SLC35F3: variants seen among roughly 807,000 people sequenced by gnomAD.
The protein encoded by SLC35F3 is putative thiamine transporter SLC35F3.
Under a neutral mutation model 49.9 loss-of-function variants are expected in SLC35F3, and 25 were observed. That is an observed-to-expected ratio of 0.50 (90% confidence interval 0.37 to 0.70). SLC35F3 has a LOEUF of 0.70. Among genes scored for constraint, SLC35F3 ranks in the 30% least tolerant of loss-of-function variants. SLC35F3 has a pLI of 0.00. For missense variants in SLC35F3, 525 were observed against 639.8 expected (o/e 0.82, Z 1.94); for synonymous variants, 275 against 265.4 (o/e 1.04, Z -0.35).
chr1:233,919,389 G>C (rs1314178534), intron 2 of SLC35F3, among the ~76,000 whole-genome samples: 2 of 152,176 alleles, frequency 1.3e-5, no homozygotes, highest in Non-Finnish European at 2.9e-5. Context: ...CTGTCCCTCA[G>C]ATATGCTCAT....
rs1664875177 is a variant in SLC35F3 at position 234,081,518 on chromosome 1, T to TCACTGTGGATGGGGTGA, written c.284-149898_284-149882dup. On this transcript the variant is annotated intron_variant, in intron 2 of 7. Transcript: ENST00000366618. The stretch of plus-strand genomic sequence containing the variant: ...AGGGGATTGAGTGGGCAGCAGTGGG[T>TCACTGTGGATGGGGTGA]CACTGTGGATGGGGTGAATATCCTT... Among the ~76,000 whole-genome samples, 5 of 152,214 alleles carry TCACTGTGGATGGGGTGA rather than the reference T, an allele frequency of 3.3e-5. No homozygotes were observed. The South Asian group carries it at 1.0e-3, about 32-fold the overall frequency.
At chr1:234,060,930 G>A (rs555593653) in intron 2 of SLC35F3, among the ~76,000 whole-genome samples, 63 of 152,242 alleles carry the variant, frequency 4.1e-4, no homozygotes, top group Non-Finnish European at 7.2e-4. Context: ...GTCTTATAGG[G>A]CACAGCATAC....
chr1:234,070,204 C>G (rs1664692374), intron 2 of SLC35F3, among the ~76,000 whole-genome samples: 1 of 152,198 alleles, frequency 6.6e-6, no homozygotes, highest in Non-Finnish European at 1.5e-5. Context: ...AAGATGAGAT[C>G]TCATGCATTC....
Position 234,217,672 on chromosome 1 carries a change from A to G in SLC35F3, c.284-13745A>G, listed in dbSNP as rs569848982. Among the ~76,000 whole-genome samples, 3 of 151,948 alleles carry G rather than the reference A, an allele frequency of 2.0e-5. No individual in the cohort carries two copies. In the East Asian group the frequency reaches 5.8e-4, roughly 29 times the overall value. On this transcript the variant is annotated intron_variant, in intron 2 of 7. Transcript: ENST00000366618. ...TTTCTGAGGAGAAGATATTCCTAAG[A>G]AGAGGAGGCTTTTCTGAGAAGGAGG...
At chr1:234,310,372 C>A (rs1172532100) in intron 4 of SLC35F3, among the ~76,000 whole-genome samples, 2 of 152,210 alleles carry the variant, frequency 1.3e-5, no homozygotes, top group East Asian at 3.8e-4. Context: ...ATGGTGCATT[C>A]ACACCCACCT....
intron 2 of SLC35F3, among the ~76,000 whole-genome samples, chr1:234,028,601 T>G (rs1008927209): frequency 6.6e-6 from 1 of 152,212 alleles, no homozygotes; most frequent in African/African-American, 2.4e-5. Flanking sequence ...AACTGGGATT[T>G]TGTTTTAAGA....
chr1:234,000,178 G>C (rs1663529363), intron 2 of SLC35F3, among the ~76,000 whole-genome samples: 1 of 152,148 alleles, frequency 6.6e-6, no homozygotes, highest in South Asian at 2.1e-4. Context: ...TATACGCAAA[G>C]AGTAGAAAAC....
intron 2 of SLC35F3, among the ~76,000 whole-genome samples, chr1:234,025,628 G>A (rs1298549741): frequency 6.6e-6 from 1 of 152,150 alleles, no homozygotes; most frequent in African/African-American, 2.4e-5. Context: ...CTTTTGGGAA[G>A]TGTCTGTTCA....
chr1:234,055,792 A>G (rs986614956), intron 2 of SLC35F3, among the ~76,000 whole-genome samples: 3 of 152,080 alleles, frequency 2.0e-5, no homozygotes, highest in Non-Finnish European at 2.9e-5. Flanking sequence ...AACCCTCTGT[A>G]TTTTGTTTTT....
intron 2 of SLC35F3, among the ~76,000 whole-genome samples, chr1:234,157,367 CT>C (rs1666170083): frequency 6.6e-6 from 1 of 152,306 alleles, no homozygotes; most frequent in African/African-American, 2.4e-5. Context: ...CGCTGCTGCG[CT>C]GCTCAGAACC....
chr1:233,994,503 T>A lies in SLC35F3; in HGVS notation c.283+88745T>A, dbSNP rs1558199818. Among the ~76,000 whole-genome samples the A allele has an allele frequency of 2.0e-5, 3 of 152,308 alleles. No individual in the cohort carries two copies. In the South Asian group the frequency reaches 6.2e-4, roughly 32 times the overall value. Reference sequence around the variant, plus strand: ...CCTCCTGTAGGAACACCGGCCTGTTTTCTAAATGCTGGATACTGGTTAAGT... The same window carrying A: ...CCTCCTGTAGGAACACCGGCCTGTTATCTAAATGCTGGATACTGGTTAAGT... On this transcript the variant is annotated intron_variant, in intron 2 of 7. Coordinates refer to ENST00000366618, the MANE Select transcript of SLC35F3 (RefSeq NM_173508.4).
chr1:234,317,544 A>G (rs1410546319), intron 5 of SLC35F3, among the ~76,000 whole-genome samples: 1 of 152,226 alleles, frequency 6.6e-6, no homozygotes, highest in East Asian at 1.9e-4. Flanking sequence ...AGACAATAGG[A>G]CTGATATAAT....
intron 2 of SLC35F3, among the ~76,000 whole-genome samples, chr1:233,943,453 A>T (rs1662463504): frequency 6.6e-6 from 1 of 152,218 alleles, no homozygotes; most frequent in Non-Finnish European, 1.5e-5. Flanking sequence ...TTTATGTATC[A>T]TGTTCCAGTT....
Position 234,171,410 on chromosome 1 carries a change from C to T in SLC35F3, c.284-60007C>T, listed in dbSNP as rs138567468. On this transcript the variant is annotated intron_variant, in intron 2 of 7. Coordinates refer to ENST00000366618, the MANE Select transcript of SLC35F3 (RefSeq NM_173508.4). ...TTTTGAGAGCTTTGCACAGTGGGGG[C>T]GATGTGATCTGGCACATGTTGAGAT... 5.5e-3 allele frequency among the ~76,000 whole-genome samples: 839 copies of T among 152,188 alleles called. 9 individuals are homozygous for T. Among genetic ancestry groups the T allele is most frequent in the African/African-American group, 0.019 (784 of 41,498 alleles).
At chr1:233,930,427 A>G (rs1395981462) in intron 2 of SLC35F3, among the ~76,000 whole-genome samples, 1 of 152,196 alleles carries the variant, frequency 6.6e-6, no homozygotes, top group African/African-American at 2.4e-5. Context: ...GGCAATCTAT[A>G]GATGTTAGAA....
intron 2 of SLC35F3, among the ~76,000 whole-genome samples, chr1:233,908,452 A>G (rs1353006956): frequency 2.0e-5 from 3 of 152,212 alleles, no homozygotes; most frequent in African/African-American, 7.2e-5. Context: ...TGAACAGTAC[A>G]GAAATTACCT....
In SLC35F3 at chr1:233,965,839, T is replaced by C. The variant is rs1662897632; in HGVS notation, c.283+60081T>C. 3.3e-5 allele frequency among the ~76,000 whole-genome samples: 5 copies of C among 152,256 alleles called. No homozygotes were observed. In the South Asian group the frequency reaches 1.0e-3, roughly 32 times the overall value. ...ATTAATGCGTGCTGTCATAAACCTC[T>C]ATGTAGGGGTAATTTGTTATGTGGC... On this transcript the variant is annotated intron_variant, in intron 2 of 7. Transcript: ENST00000366618.
chr1:234,294,108 A>G (rs1262965275), intron 3 of SLC35F3, among the ~76,000 whole-genome samples: 1 of 152,242 alleles, frequency 6.6e-6, no homozygotes, highest in African/African-American at 2.4e-5. Context: ...ATGTCTTTAA[A>G]TAGTTTTAAC....
chr1:234,042,197 A>G (rs1031394013), intron 2 of SLC35F3, among the ~76,000 whole-genome samples: 4 of 152,222 alleles, frequency 2.6e-5, no homozygotes, highest in African/African-American at 7.2e-5. Context: ...AGTATAATAA[A>G]TAGTCCATTG....
Sources: allele counts gnomAD v4.1 joint callset (sites outside exome capture counted in the v4.1 genomes callset), GRCh38; gene constraint gnomAD v4.1.1; transcripts MANE v1.5; gene names NCBI Gene and HGNC (gene_info 2026-07-23, HGNC 2026-07-21).